The following TBC1D1 variants were observed in gnomAD, a reference collection of about 807,000 sequenced individuals.
TBC1D1 encodes TBC1 domain family member 1.
TBC1D1 carries 89 observed loss-of-function variants against 125.6 expected under a neutral mutation model. The ratio of observed to expected loss-of-function variants is 0.71; its 90% confidence interval spans 0.60 to 0.85. TBC1D1 has a LOEUF of 0.85. Ranked by LOEUF, TBC1D1 falls within the 40% of genes least tolerant of loss-of-function variation. TBC1D1 has a pLI of 0.00. For missense variants in TBC1D1, 1,377 were observed against 1,469.2 expected (o/e 0.94, Z 1.03); for synonymous variants, 565 against 564.1 (o/e 1.00, Z -0.02).
In TBC1D1 at chr4:37,977,051, G is replaced by A. The variant is rs1733233649; in HGVS notation, c.418-37458G>A. On this transcript the variant is annotated intron_variant, in intron 2 of 19. Coordinates refer to ENST00000261439, the MANE Select transcript of TBC1D1 (RefSeq NM_015173.4). This position sits in a 1 kb window ranked among gnomAD's most constrained non-coding sequence, Gnocchi z 4.3. ...TGGGGCTTTTGTGGAACCTCGGAGAGGGAGGAATTCTTAGATTTCTGAAAG... is the reference window on the plus strand; with the variant it reads ...TGGGGCTTTTGTGGAACCTCGGAGAAGGAGGAATTCTTAGATTTCTGAAAG... 1.3e-5 allele frequency among the ~76,000 whole-genome samples: 2 copies of A among 152,214 alleles called. No homozygotes were observed. The highest frequency in any genetic ancestry group is 4.8e-5 in the African/African-American group (2 of 41,468).
At chr4:38,032,088 G>A (rs985122026) in intron 7 of TBC1D1, among the ~76,000 whole-genome samples, 1 of 152,194 alleles carries the variant, frequency 6.6e-6, no homozygotes, top group Non-Finnish European at 1.5e-5. Flanking sequence ...GGAGGCCAAG[G>A]CGGGCGGATC....
At chr4:38,009,148 G>A (rs951196460) in intron 2 of TBC1D1, among the ~76,000 whole-genome samples, 1 of 152,070 alleles carries the variant, frequency 6.6e-6, no homozygotes, top group African/African-American at 2.4e-5. Context: ...TATACCTTAC[G>A]ACCAACAAAT....
At chr4:37,925,512 T>C (rs1186007387) in intron 2 of TBC1D1, among the ~76,000 whole-genome samples, 3 of 151,880 alleles carry the variant, frequency 2.0e-5, no homozygotes, top group Admixed American at 6.6e-5. Flanking sequence ...GGTCAAGAAA[T>C]CGAGACCATC....
intron 7 of TBC1D1, among the ~76,000 whole-genome samples, chr4:38,032,637 A>G (rs1746383075): frequency 6.6e-6 from 1 of 152,176 alleles, no homozygotes; most frequent in Non-Finnish European, 1.5e-5. Flanking sequence ...GATCAAGACC[A>G]TCCTGGCTAA....
chr4:38,032,906 T>A (rs1464816123), intron 7 of TBC1D1, among the ~76,000 whole-genome samples: 1 of 151,502 alleles, frequency 6.6e-6, no homozygotes, highest in Non-Finnish European at 1.5e-5. Context: ...TGAAGTTGCA[T>A]GGGAGATTTT....
At chr4:37,938,346 T>G (rs1724825307) in intron 2 of TBC1D1, among the ~76,000 whole-genome samples, 1 of 152,112 alleles carries the variant, frequency 6.6e-6, no homozygotes, top group Admixed American at 6.5e-5. Context: ...AACCTAGTTC[T>G]GGGTGTAATA....
Position 38,014,809 on chromosome 4 carries a change from G to A in TBC1D1, c.718G>A (p.Gly240Ser). Reference sequence around the variant, plus strand: ...CATGCGCAAGTCCTTCTCCCAGCCCGGCCTGCGCTCGCTGGCCTTTAGGAA... The same window carrying A: ...CATGCGCAAGTCCTTCTCCCAGCCCAGCCTGCGCTCGCTGGCCTTTAGGAA... The change falls in exon 3 of 20, where the codon GGC (glycine) becomes AGC (serine). Residue 240 changes from glycine to serine, a missense_variant. This residue lies in a region of TBC1D1 where 822 missense variants were observed against 824.6 expected (regional missense o/e 1.00). Transcript: ENST00000261439. The surrounding 1 kb of genome is among the most constrained non-coding windows in gnomAD (Gnocchi z 5.1). The A allele has an allele frequency of 2.9e-6, 4 of 1,362,216 alleles. No individual in the cohort carries two copies. The highest frequency in any genetic ancestry group is 3.9e-6 in the Non-Finnish European group (4 of 1,020,652). 84.4% of individuals were successfully genotyped at this position (1,362,216 alleles called of 1,614,324 possible).
chr4:37,929,136 G>C (rs529602367), intron 2 of TBC1D1, among the ~76,000 whole-genome samples: 65 of 152,264 alleles, frequency 4.3e-4, no homozygotes, highest in Non-Finnish European at 7.3e-4. Flanking sequence ...TGCTTTTATA[G>C]TGGCTAGTGG....
At chr4:37,902,581 AT>A in intron 2 of TBC1D1, 69 bp downstream of exon 2, 1 of 1,238,518 alleles carries the variant, frequency 8.1e-7, no homozygotes, top group Non-Finnish European at 1.1e-6. Context: ...GGGTCAGGAT[AT>A]TTATTTTAAG....
At chr4:37,929,476 C>T (rs1722811781) in intron 2 of TBC1D1, among the ~76,000 whole-genome samples, 1 of 152,168 alleles carries the variant, frequency 6.6e-6, no homozygotes, top group African/African-American at 2.4e-5. Context: ...CCCTCGGACC[C>T]CTGGCACCTA....
chr4:37,910,709 A>G (rs767579944), intron 2 of TBC1D1, among the ~76,000 whole-genome samples: 14 of 152,166 alleles, frequency 9.2e-5, no homozygotes, highest in Non-Finnish European at 1.9e-4. Context: ...AAAAATAGTT[A>G]GAAGAATAAA....
chr4:37,898,926 C>T (rs1715228886), intron 1 of TBC1D1, among the ~76,000 whole-genome samples: 1 of 152,030 alleles, frequency 6.6e-6, no homozygotes, highest in Admixed American at 6.6e-5. Context: ...AAAAGGTGCA[C>T]CAAGGAGGGC....
intron 2 of TBC1D1, among the ~76,000 whole-genome samples, chr4:37,953,585 G>T (rs573512259): frequency 6.6e-6 from 1 of 152,264 alleles, no homozygotes; most frequent in South Asian, 2.1e-4. Context: ...GTTTAATCAT[G>T]ACTTGAATAA....
At chr4:38,092,254 T>C (rs1758548868) in intron 13 of TBC1D1, among the ~76,000 whole-genome samples, 2 of 152,080 alleles carry the variant, frequency 1.3e-5, no homozygotes. Context: ...TTAAGCAAAA[T>C]GATGTATAAT....
chr4:38,055,604 C>T (rs1751564339), intron 12 of TBC1D1, among the ~76,000 whole-genome samples: 1 of 152,190 alleles, frequency 6.6e-6, no homozygotes, highest in Admixed American at 6.5e-5. Context: ...CACCATGGAG[C>T]TGCCACTCAC....
At chr4:37,991,038 A>G (rs1399158563) in intron 2 of TBC1D1, among the ~76,000 whole-genome samples, 1 of 113,150 alleles carries the variant, frequency 8.8e-6, no homozygotes, top group Non-Finnish European at 1.7e-5. Flanking sequence ...GATGAGAGAG[A>G]CCCAGCTGCT....
chr4:38,109,815 A>G (rs1360378190), intron 15 of TBC1D1, among the ~76,000 whole-genome samples: 2 of 152,238 alleles, frequency 1.3e-5, no homozygotes, highest in Non-Finnish European at 2.9e-5. Context: ...TCTGAGGGTT[A>G]CAAAGGGTGT....
rs150769411 is a variant in TBC1D1 at position 38,081,784 on chromosome 4, G to C, written c.2051-8148G>C. 3.0e-4 allele frequency among the ~76,000 whole-genome samples: 45 copies of C among 152,282 alleles called. No individual in the cohort carries two copies. The East Asian group carries it at 7.5e-3, about 25-fold the overall frequency. On this transcript the variant is annotated intron_variant, in intron 12 of 19. Transcript: ENST00000261439. ...ATTTATGAATGAGGAAACTGACACAGAGGGGTGGTCGAGGAGCTTGCCCAT... is the reference window on the plus strand; with the variant it reads ...ATTTATGAATGAGGAAACTGACACACAGGGGTGGTCGAGGAGCTTGCCCAT...
intron 12 of TBC1D1, among the ~76,000 whole-genome samples, chr4:38,056,535 A>G (rs1272853370): frequency 2.6e-5 from 4 of 152,322 alleles, no homozygotes; most frequent in Non-Finnish European, 5.9e-5. Flanking sequence ...CTGGCTTGGC[A>G]CAGTTGACCA....
Sources: allele counts gnomAD v4.1 joint callset (sites outside exome capture counted in the v4.1 genomes callset), GRCh38; gene constraint gnomAD v4.1.1; regional missense constraint gnomAD v4.1.1; non-coding constraint Gnocchi (gnomAD v3.1); transcripts MANE v1.5; gene names NCBI Gene and HGNC (gene_info 2026-07-23, HGNC 2026-07-21).